The following GPC6 variants were observed in gnomAD, a reference collection of about 807,000 sequenced individuals.
GPC6 encodes the protein glypican 6, also known as glypican-6.
A neutral mutation model predicts 55.2 loss-of-function variants in GPC6; 14 were observed. The observed-to-expected ratio is 0.25, with a 90% confidence interval of 0.17 to 0.40. The LOEUF (loss-of-function observed/expected upper bound fraction) is 0.40. Ranked by LOEUF, GPC6 falls within the 10% of genes least tolerant of loss-of-function variation. GPC6 has a pLI of 1.00. For synonymous variants in GPC6, 278 were observed against 259.6 expected, an observed-to-expected ratio of 1.07 and a Z score of -0.68; for missense variants, 641 against 708.5, an observed-to-expected ratio of 0.90 and a Z score of 1.08.
chr13:93,221,474 C>T, the GPC6 span, among the ~76,000 whole-genome samples: 3 of 152,102 alleles, frequency 2.0e-5, no homozygotes, highest in African/African-American at 7.2e-5. Context: ...GAATCTGCTG[C>T]CCCATGGTGT....
intron 4 of GPC6, among the ~76,000 whole-genome samples, chr13:94,267,137 T>C: frequency 6.6e-6 from 1 of 152,150 alleles, no homozygotes. Context: ...TCCAGTCTTC[T>C]TGTGGTCTAG....
chr13:93,575,903 T>C (rs1403117237), intron 2 of GPC6, among the ~76,000 whole-genome samples: 3 of 152,200 alleles, frequency 2.0e-5, no homozygotes. Context: ...TTGCCAGCAA[T>C]GTTTTTTCTT....
At chr13:93,803,342 T>C (rs181362681) in intron 2 of GPC6, among the ~76,000 whole-genome samples, 1 of 152,286 alleles carries the variant, frequency 6.6e-6, no homozygotes, top group African/African-American at 2.4e-5. Context: ...ATGAAATATG[T>C]TATCTTATCC....
At chr13:93,424,607 TATCATCATC>T (rs144005214) in intron 1 of GPC6, among the ~76,000 whole-genome samples, 1 of 151,530 alleles carries the variant, frequency 6.6e-6, no homozygotes, top group Non-Finnish European at 1.5e-5. Flanking sequence ...AAATACATGG[TATCATCATC>T]ATCATCATCA....
chr13:94,149,133 G>A (rs1887654016), intron 4 of GPC6, among the ~76,000 whole-genome samples: 1 of 152,128 alleles, frequency 6.6e-6, no homozygotes, highest in Admixed American at 6.6e-5. Context: ...TTTTATGGCA[G>A]CTGAAATAGC....
intron 1 of GPC6, among the ~76,000 whole-genome samples, chr13:93,248,760 C>G (rs1396879862): frequency 6.6e-6 from 1 of 152,188 alleles, no homozygotes; most frequent in Non-Finnish European, 1.5e-5. Context: ...TGTAGGTGCA[C>G]CACCTTCAAC....
intron 2 of GPC6, among the ~76,000 whole-genome samples, chr13:93,618,484 T>G (rs1024330242): frequency 5.5e-4 from 83 of 152,146 alleles, no homozygotes; most frequent in African/African-American, 1.9e-3. Flanking sequence ...GCAAAAGTGC[T>G]TTGATAAAAT....
chr13:93,652,315 A>G (rs1305702283), intron 2 of GPC6, among the ~76,000 whole-genome samples: 1 of 152,072 alleles, frequency 6.6e-6, no homozygotes, highest in Non-Finnish European at 1.5e-5. Flanking sequence ...TAGAACTCAA[A>G]TATTATCTCA....
At chr13:94,205,616 C>T (rs1889877118) in intron 4 of GPC6, among the ~76,000 whole-genome samples, 1 of 152,158 alleles carries the variant, frequency 6.6e-6, no homozygotes, top group Admixed American at 6.5e-5. Context: ...AGAGATGTAC[C>T]TGAACAAATT....
chr13:94,108,154 A>C (rs892615000), intron 4 of GPC6, among the ~76,000 whole-genome samples: 1 of 152,202 alleles, frequency 6.6e-6, no homozygotes, highest in African/African-American at 2.4e-5. Flanking sequence ...CCATGAATCA[A>C]CAAGTGGATG....
chr13:93,687,188 A>G (rs1882080871), intron 2 of GPC6, among the ~76,000 whole-genome samples: 1 of 152,028 alleles, frequency 6.6e-6, no homozygotes, highest in African/African-American at 2.4e-5. Flanking sequence ...TGTGTACTGA[A>G]TTATCTTTCT....
chr13:93,475,402 G>GAT (rs1206553814), intron 1 of GPC6, among the ~76,000 whole-genome samples: 8 of 71,004 alleles, frequency 1.1e-4, no homozygotes, highest in Non-Finnish European at 2.0e-4. Context: ...GAAACTGTAT[G>GAT]ATAGTACCTT....
chr13:93,694,827 A>G (rs1882392708), intron 2 of GPC6, among the ~76,000 whole-genome samples: 1 of 152,124 alleles, frequency 6.6e-6, no homozygotes, highest in Non-Finnish European at 1.5e-5. Flanking sequence ...CCCCAGGATC[A>G]GCCTCAACAA....
At chr13:93,276,734 G>C (rs562612185) in intron 1 of GPC6, among the ~76,000 whole-genome samples, 3 of 152,028 alleles carry the variant, frequency 2.0e-5, no homozygotes, top group African/African-American at 7.2e-5. Flanking sequence ...CCCTTTCCTC[G>C]GGAGTACCTG....
chr13:93,559,908 A>G (rs1443161866), intron 2 of GPC6, among the ~76,000 whole-genome samples: 1 of 152,138 alleles, frequency 6.6e-6, no homozygotes, highest in African/African-American at 2.4e-5. Context: ...TATTGAGCCA[A>G]GTTTATTTGT....
intron 2 of GPC6, among the ~76,000 whole-genome samples, chr13:93,571,951 A>T (rs1313213235): frequency 6.6e-6 from 1 of 151,924 alleles, no homozygotes; most frequent in Non-Finnish European, 1.5e-5. Context: ...TTTAAAAGAC[A>T]TGATCTAGTT....
At chr13:93,803,667 A>G (rs370488967) in intron 2 of GPC6, among the ~76,000 whole-genome samples, 1 of 152,192 alleles carries the variant, frequency 6.6e-6, no homozygotes. Context: ...TAATAGCCAA[A>G]TTGTAGAAAT....
In GPC6 at chr13:94,091,506, C is replaced by G. The variant is rs527451556; in HGVS notation, c.877+63612C>G. ...TTATAACAAAGATAATATGTTGATT[C>G]ACTTTTGGGTAACAAAGCAGGCAGA... is the stretch of plus-strand genomic sequence containing the variant. On this transcript the variant is annotated intron_variant, in intron 4 of 8. Transcript: ENST00000377047. Among the ~76,000 whole-genome samples the G allele has an allele frequency of 2.6e-5, 4 of 152,200 alleles. No individual in the cohort carries two copies. The East Asian group carries it at 5.8e-4, about 22-fold the overall frequency.
At chr13:94,178,447 C>T (rs1369088119) in intron 4 of GPC6, among the ~76,000 whole-genome samples, 2 of 152,110 alleles carry the variant, frequency 1.3e-5, no homozygotes, top group Admixed American at 6.5e-5. Context: ...TAATATTAAA[C>T]AGTGATTTCA....
Sources: gnomAD v4.1 joint callset for allele counts (sites outside exome capture counted in the v4.1 genomes callset) on GRCh38, gnomAD v4.1.1 for gene constraint, MANE v1.5 for transcripts, NCBI Gene and HGNC (gene_info 2026-07-23, HGNC 2026-07-21) for gene names.